Variants in ZNF469 observed in about 807,000 individuals in gnomAD.
ZNF469 encodes zinc finger protein 469.
ZNF469 carries 1 observed loss-of-function variant against 1.0 expected under a neutral mutation model. The ratio of observed to expected loss-of-function variants is 1.00; its 90% CI spans 0.35 to 4.73. The LOEUF is 4.73. Ranked by LOEUF, ZNF469 falls within the 30% of genes most tolerant of loss-of-function variation. The probability of loss-of-function intolerance (pLI) is 0.16; values close to 1 mark genes in which losing one functional copy is unlikely to be tolerated. For missense variants in ZNF469, 6,100 were observed against 5,356.3 expected, an observed-to-expected ratio of 1.14 and a Z score of -4.33; for synonymous variants, 2,703 against 2,363.4, an observed-to-expected ratio of 1.14 and a Z score of -4.17.
At chr16:88,408,082 G>A (rs1049397563) in intron 1 of ZNF469, among the ~76,000 whole-genome samples, 5 of 152,216 alleles carry the variant, frequency 3.3e-5, no homozygotes, top group African/African-American at 4.8e-5. Flanking sequence ...TTTTTGGTTT[G>A]TGGTTTGTGT....
chr16:88,386,081 G>A (rs957121004), intron 1 of ZNF469, among the ~76,000 whole-genome samples: 3 of 152,190 alleles, frequency 2.0e-5, no homozygotes, highest in Non-Finnish European at 4.4e-5. Context: ...CGGTCCCGTG[G>A]ACTCTGCCTT....
chr16:88,207,450 G>T, the ZNF469 span, among the ~76,000 whole-genome samples: 55,561 of 63,882 alleles, frequency 0.87, 26,674 homozygotes, highest in East Asian at 0.97. Context: ...TGCGCCTCCT[G>T]GTTCCCTGGC....
At position 88,420,287 on chromosome 16, in the gene ZNF469, A is replaced by C. The variant is rs572385897; in HGVS notation, c.-191-4520A>C. Among the ~76,000 whole-genome samples, 3 of 152,278 alleles carry C rather than the reference A, an allele frequency of 2.0e-5. No individual in the cohort carries two copies. The South Asian group carries it at 6.2e-4, about 32-fold the overall frequency. ...TGACGACAGCAGAAACAACCAGGAG[A>C]ATGAAGCCTACCCCACACCAGGGAT... On this transcript the variant is annotated intron_variant, in intron 1 of 2. Coordinates refer to ENST00000565624, the MANE Select transcript of ZNF469 (RefSeq NM_001367624.2).
At chr16:88,181,946 C>G in the ZNF469 span, among the ~76,000 whole-genome samples, 6 of 152,160 alleles carry the variant, frequency 3.9e-5, no homozygotes. Flanking sequence ...ATAAAATTGC[C>G]TTTATATGCA....
chr16:88,396,382 AGAGACCCATCTGAAGGGAGGCCAGGAG>A (rs1463597886), intron 1 of ZNF469, among the ~76,000 whole-genome samples: 2 of 145,724 alleles, frequency 1.4e-5, no homozygotes, highest in Non-Finnish European at 3.0e-5. Flanking sequence ...GAGGCCAGGC[AGAGACCCATCTGAAGGGAGGCCAGGAG>A]GAGACCCTCC....
the ZNF469 span, among the ~76,000 whole-genome samples, chr16:88,212,746 A>G: frequency 5.5e-4 from 83 of 152,208 alleles, no homozygotes; most frequent in African/African-American, 2.0e-3. Context: ...ACACCCAGCT[A>G]ATTTTTGTAA....
the ZNF469 span, among the ~76,000 whole-genome samples, chr16:88,276,309 G>A: frequency 6.6e-6 from 1 of 152,186 alleles, no homozygotes; most frequent in Non-Finnish European, 1.5e-5. Context: ...GCAGCAAGCA[G>A]GGGGGATTGG....
chr16:88,101,689 G>A, the ZNF469 span, among the ~76,000 whole-genome samples: 2 of 152,246 alleles, frequency 1.3e-5, no homozygotes, highest in African/African-American at 2.4e-5. Context: ...GTGCCTTTAC[G>A]ATATTTATAA....
the ZNF469 span, among the ~76,000 whole-genome samples, chr16:88,264,752 G>A: frequency 6.6e-6 from 1 of 151,992 alleles, no homozygotes; most frequent in Non-Finnish European, 1.5e-5. Flanking sequence ...GTCCAGTCCT[G>A]CTCGTCCCAC....
the ZNF469 span, among the ~76,000 whole-genome samples, chr16:88,213,704 T>A: frequency 6.6e-6 from 1 of 152,204 alleles, no homozygotes; most frequent in African/African-American, 2.4e-5. Flanking sequence ...CTCTCGTGTG[T>A]CCTTCTAAGA....
chr16:88,315,872 C>T, the ZNF469 span, among the ~76,000 whole-genome samples: 1 of 152,228 alleles, frequency 6.6e-6, no homozygotes, highest in Non-Finnish European at 1.5e-5. Flanking sequence ...GGCCCTCCCC[C>T]TCCTGCTGAG....
the ZNF469 span, among the ~76,000 whole-genome samples, chr16:88,145,433 T>A: frequency 1.2e-4 from 19 of 152,190 alleles, no homozygotes; most frequent in African/African-American, 1.9e-4. Flanking sequence ...CGCATTGGAA[T>A]CCCACAGCAC....
chr16:88,364,921 C>G, the ZNF469 span, among the ~76,000 whole-genome samples: 1 of 152,228 alleles, frequency 6.6e-6, no homozygotes, highest in South Asian at 2.1e-4. Flanking sequence ...GCCAAGATCA[C>G]GCCACTGCAC....
At chr16:88,171,699 C>T in the ZNF469 span, among the ~76,000 whole-genome samples, 1 of 152,152 alleles carries the variant, frequency 6.6e-6, no homozygotes, top group Admixed American at 6.5e-5. Flanking sequence ...GTGGAAGACC[C>T]ATCGCTGCGT....
chr16:88,425,578 G>A (rs1414709190), intron 2 of ZNF469, among the ~76,000 whole-genome samples: 1 of 152,208 alleles, frequency 6.6e-6, no homozygotes, highest in East Asian at 1.9e-4. Context: ...CTCTGTGCCT[G>A]GATTCCTCAC....
the ZNF469 span, among the ~76,000 whole-genome samples, chr16:88,173,888 A>G: frequency 6.6e-6 from 1 of 152,220 alleles, no homozygotes; most frequent in East Asian, 1.9e-4. Flanking sequence ...ATTAAAAATA[A>G]GACCCTCGAT....
the ZNF469 span, among the ~76,000 whole-genome samples, chr16:88,360,716 C>G: frequency 7.0e-6 from 1 of 143,372 alleles, no homozygotes; most frequent in African/African-American, 2.7e-5. Context: ...GCAGTCCACC[C>G]CCAGACAGCG....
the ZNF469 span, among the ~76,000 whole-genome samples, chr16:88,102,885 G>A: frequency 2.0e-5 from 3 of 152,246 alleles, no homozygotes; most frequent in East Asian, 3.8e-4. Flanking sequence ...GTGGTGACAC[G>A]TGGCAGAATG....
the ZNF469 span, among the ~76,000 whole-genome samples, chr16:88,226,348 G>T: frequency 6.9e-4 from 105 of 152,182 alleles, no homozygotes; most frequent in African/African-American, 2.2e-3. Context: ...GAGAAGAGAG[G>T]CGTAGGGGAG....
Sources: gnomAD v4.1 joint callset for allele counts (sites outside exome capture counted in the v4.1 genomes callset) on GRCh38, gnomAD v4.1.1 for gene constraint, MANE v1.5 for transcripts, NCBI Gene and HGNC (gene_info 2026-07-23, HGNC 2026-07-21) for gene names.